Variants in TRIM71 observed in about 807,000 individuals in gnomAD.
TRIM71 encodes the protein E3 ubiquitin-protein ligase TRIM71.
TRIM71 carries 9 observed loss-of-function variants against 61.2 expected under a neutral mutation model. The observed-to-expected ratio is 0.15, with a 90% confidence interval of 0.09 to 0.26. The LOEUF (loss-of-function observed/expected upper bound fraction) is 0.26. Among genes scored for constraint, TRIM71 ranks in the 10% least tolerant of loss-of-function variants. The pLI is 1.00. For missense variants in TRIM71, 998 were observed against 1,238.7 expected, an observed-to-expected ratio of 0.81 and a Z score of 2.92; for synonymous variants, 645 against 553.2, an observed-to-expected ratio of 1.17 and a Z score of -2.33.
intron 2 of TRIM71, among the ~76,000 whole-genome samples, chr3:32,877,483 G>A (rs58137843): frequency 0.03 from 4,620 of 151,664 alleles, 230 homozygotes; most frequent in African/African-American, 0.11. Context: ...GGCCTCCCAC[G>A]TAGCTAGGAC....
At chr3:32,838,166 A>G (rs1167957061) in intron 1 of TRIM71, among the ~76,000 whole-genome samples, 9 of 152,170 alleles carry the variant, frequency 5.9e-5, no homozygotes, top group Non-Finnish European at 7.3e-5. Context: ...TTCCATGGAT[A>G]ATGATGTACA....
rs11327826 is a variant in TRIM71, at chr3:32,829,922, ATT to A, written c.852+11012_852+11013del. ...GCTTAATACTAAATTTACTGCCTGA[ATT>A]TTTTTTTTTTTTTTTTTTTTTCGAG... is the stretch of plus-strand genomic sequence containing the variant. On this transcript the variant is annotated intron_variant, in intron 1 of 3. Transcript: ENST00000383763. 5.7e-3 allele frequency among the ~76,000 whole-genome samples: 620 copies of A among 109,488 alleles called. 7 individuals carry two copies. The highest frequency in any genetic ancestry group is 0.018 in the African/African-American group (472 of 26,600). 71.8% of individuals were successfully genotyped at this position (109,488 alleles called of 152,430 possible).
chr3:32,847,190 A>AT (rs35654776), intron 1 of TRIM71, among the ~76,000 whole-genome samples: 5,902 of 107,020 alleles, frequency 0.055, 249 homozygotes, highest in Middle Eastern at 0.11. Flanking sequence ...AGGTCCAGCA[A>AT]TTTTTTTTTT....
Position 32,857,549 on chromosome 3 carries a change from C to G in TRIM71, c.853-16269C>G, listed in dbSNP as rs535645165. Among the ~76,000 whole-genome samples, 4 of 152,136 alleles carry G rather than the reference C, an allele frequency of 2.6e-5. No homozygotes were observed. The South Asian group carries it at 8.3e-4, about 32-fold the overall frequency. On this transcript the variant is annotated intron_variant, in intron 1 of 3. Coordinates refer to ENST00000383763, the MANE Select transcript of TRIM71 (RefSeq NM_001039111.3). Reference sequence around the variant, plus strand: ...GACTCCCCAAAACCTATATAGTATGCTGTTGACTAGAATTCTTACAGATAA... The same window carrying G: ...GACTCCCCAAAACCTATATAGTATGGTGTTGACTAGAATTCTTACAGATAA...
At position 32,897,352 on chromosome 3, in the gene TRIM71, A is replaced by C. The variant is rs1445735468; in HGVS notation, c.*5541A>C. On this transcript the variant is annotated 3_prime_UTR_variant, in exon 4 of 4. Coordinates refer to ENST00000383763, the MANE Select transcript of TRIM71 (RefSeq NM_001039111.3). ...TAACTCCCCTGGCCGCAGAAACCACACTGCAAGCCTGTCCGGGGTGGGGTG... is the reference window on the plus strand; with the variant it reads ...TAACTCCCCTGGCCGCAGAAACCACCCTGCAAGCCTGTCCGGGGTGGGGTG... 1 of 152,148 alleles carries C rather than the reference A, an allele frequency of 6.6e-6. No homozygotes were observed. Among genetic ancestry groups the C allele is most frequent in the Non-Finnish European group, 1.5e-5 (1 of 68,020 alleles). 9.4% of individuals were successfully genotyped at this position (152,148 alleles called of 1,614,324 possible).
intron 1 of TRIM71, among the ~76,000 whole-genome samples, chr3:32,858,884 C>T (rs915322073): frequency 6.6e-6 from 1 of 152,130 alleles, no homozygotes; most frequent in African/African-American, 2.4e-5. Flanking sequence ...TAACTGAAAC[C>T]ACCTGATTGT....
At chr3:32,861,041 G>A (rs1696663088) in intron 1 of TRIM71, among the ~76,000 whole-genome samples, 1 of 151,766 alleles carries the variant, frequency 6.6e-6, no homozygotes, top group South Asian at 2.1e-4. Context: ...CAGGTGTTGT[G>A]GCACGTGCCT....
chr3:32,874,350 ACTACTACTACTACTACT>A (rs1575356531), intron 2 of TRIM71, among the ~76,000 whole-genome samples: 19 of 150,712 alleles, frequency 1.3e-4, no homozygotes, highest in Admixed American at 1.1e-3. Flanking sequence ...TACTACTACT[ACTACTACTACTACTACT>A]ACAACATATT....
chr3:32,881,207 C>T (rs775921552), intron 2 of TRIM71, among the ~76,000 whole-genome samples: 29 of 152,038 alleles, frequency 1.9e-4, no homozygotes, highest in Non-Finnish European at 2.9e-4. Context: ...TCAGTAGAGA[C>T]GGGGTTTCAC....
intron 2 of TRIM71, among the ~76,000 whole-genome samples, chr3:32,875,116 C>T (rs369547955): frequency 2.0e-5 from 3 of 152,230 alleles, no homozygotes; most frequent in African/African-American, 4.8e-5. Context: ...CCACCATGCC[C>T]GGCCTAATGC....
chr3:32,829,585 C>T (rs867221196), intron 1 of TRIM71, among the ~76,000 whole-genome samples: 37 of 151,706 alleles, frequency 2.4e-4, no homozygotes, highest in African/African-American at 8.5e-4. Flanking sequence ...ACAGTCTAAT[C>T]TCAGCAACTA....
rs1559534739 is a variant in TRIM71, at chr3:32,818,600, C to G, written c.520C>G (p.Pro174Ala). 7.3e-7 allele frequency: 1 copy of G among 1,369,844 alleles called. No homozygotes were observed. Among genetic ancestry groups the G allele is most frequent in the Non-Finnish European group, 9.3e-7 (1 of 1,069,528 alleles). 84.9% of individuals were successfully genotyped at this position (1,369,844 alleles called of 1,614,324 possible). A position where few individuals can be genotyped will look rare whatever the true frequency, so the allele number is the denominator to read the frequency against. ...APPLPQAPQP[P>A]APSRSAPGGP... ...GCCACTCCCGCAGGCGCCGCAGCCGCCCGCGCCTTCCCGCTCGGCACCCGG... is the reference window on the plus strand; with the variant it reads ...GCCACTCCCGCAGGCGCCGCAGCCGGCCGCGCCTTCCCGCTCGGCACCCGG... The change falls in exon 1 of 4, where the codon CCC becomes GCC. Residue 174 changes from proline to alanine, a missense_variant. Pro to Ala is a conservative substitution (Grantham distance 27). Coordinates refer to ENST00000383763, the MANE Select transcript of TRIM71 (RefSeq NM_001039111.3).
chr3:32,866,438 C>T (rs1158836509), intron 1 of TRIM71, among the ~76,000 whole-genome samples: 1 of 152,014 alleles, frequency 6.6e-6, no homozygotes, highest in Admixed American at 6.6e-5. Flanking sequence ...CAGGGTTTCA[C>T]CATGTTGGCC....
At chr3:32,862,563 A>C (rs1218944520) in intron 1 of TRIM71, among the ~76,000 whole-genome samples, 1 of 152,250 alleles carries the variant, frequency 6.6e-6, no homozygotes, top group East Asian at 1.9e-4. Context: ...TCAGCCCCAA[A>C]GTACCACTGA....
chr3:32,857,755 G>T (rs1696621464), intron 1 of TRIM71, among the ~76,000 whole-genome samples: 1 of 152,180 alleles, frequency 6.6e-6, no homozygotes, highest in Non-Finnish European at 1.5e-5. Context: ...TGGATCACTT[G>T]AGGTCAGGAG....
At chr3:32,874,328 TAC>T (rs1696830887) in intron 2 of TRIM71, among the ~76,000 whole-genome samples, 3 of 41,690 alleles carry the variant, frequency 7.2e-5, no homozygotes, top group East Asian at 1.9e-3. Context: ...TGCTTATTAC[TAC>T]TACTACTACT....
intron 1 of TRIM71, among the ~76,000 whole-genome samples, chr3:32,836,159 C>T (rs948258519): frequency 6.6e-6 from 1 of 152,138 alleles, no homozygotes; most frequent in Non-Finnish European, 1.5e-5. Context: ...TGGAGAGGCA[C>T]GTTTGAGATG....
At chr3:32,886,098 G>A (rs747100965) in intron 3 of TRIM71, 30 bp downstream of exon 3, 1 of 1,595,458 alleles carries the variant, frequency 6.3e-7, no homozygotes, top group South Asian at 1.1e-5. Context: ...CACCCAGGCT[G>A]TGCCCACTCG....
chr3:32,877,263 C>G (rs946178747), intron 2 of TRIM71, among the ~76,000 whole-genome samples: 12 of 152,106 alleles, frequency 7.9e-5, no homozygotes, highest in African/African-American at 2.4e-4. Context: ...GCCACCACTC[C>G]CGACTAATTT....
Sources: allele counts gnomAD v4.1 joint callset (sites outside exome capture counted in the v4.1 genomes callset), GRCh38; gene constraint gnomAD v4.1.1; transcripts MANE v1.5; gene names NCBI Gene and HGNC (gene_info 2026-07-23, HGNC 2026-07-21).